DAGLA: variants seen among roughly 807,000 people sequenced by gnomAD.
DAGLA encodes the protein diacylglycerol lipase-alpha.
Under a neutral mutation model 102.6 loss-of-function variants are expected in DAGLA, and 22 were observed. That is an observed-to-expected ratio of 0.21 (90% CI 0.15 to 0.31). The LOEUF (loss-of-function observed/expected upper bound fraction) is 0.31, where lower values mean the gene tolerates loss of function less well. DAGLA is among the 10% of genes least tolerant of loss of function. The pLI is 1.00. For synonymous variants in DAGLA, 578 were observed against 628.9 expected (o/e 0.92, Z 1.21); for missense variants, 927 against 1,446.6 (o/e 0.64, Z 5.83).
intron 1 of DAGLA, among the ~76,000 whole-genome samples, chr11:61,690,754 G>A (rs1248846103): frequency 6.6e-6 from 1 of 152,188 alleles, no homozygotes; most frequent in Non-Finnish European, 1.5e-5. Context: ...CTGGCATGGG[G>A]TTTGGGGATT....
chr11:61,712,692 CG>C (rs2065204880), intron 1 of DAGLA, among the ~76,000 whole-genome samples: 1 of 152,204 alleles, frequency 6.6e-6, no homozygotes, highest in African/African-American at 2.4e-5. Flanking sequence ...CCAGCCCACA[CG>C]TGCTTTCTCT....
chr11:61,707,983 T>TTATTTATG (rs58259012), intron 1 of DAGLA, among the ~76,000 whole-genome samples: 1 of 151,716 alleles, frequency 6.6e-6, no homozygotes, highest in Admixed American at 6.6e-5. Flanking sequence ...AGAAGGGAAT[T>TTATTTATG]TATTTATGTA....
intron 1 of DAGLA, among the ~76,000 whole-genome samples, chr11:61,682,876 C>T (rs900235022): frequency 1.3e-5 from 2 of 151,778 alleles, no homozygotes; most frequent in African/African-American, 4.8e-5. Flanking sequence ...TGGAGGATGC[C>T]CTCAGACACA....
chr11:61,709,041 T>C, intron 1 of DAGLA, among the ~76,000 whole-genome samples: 1 of 152,276 alleles, frequency 6.6e-6, no homozygotes, highest in South Asian at 2.1e-4. Context: ...CTGTGGCCCC[T>C]TTTGCCCTCC....
chr11:61,740,665 T>C, intron 18 of DAGLA, 73 bp downstream of exon 18: 1 of 1,564,660 alleles, frequency 6.4e-7, no homozygotes. Context: ...GTAAGCACCA[T>C]CAGATCACTG....
At position 61,746,262 on chromosome 11, in the gene DAGLA, C is replaced by T. The variant is rs2135621597; in HGVS notation, c.*1773C>T. ...CGCCTTCACCAGACTCAAGGACACC[C>T]TGGCCCTGCTGAGGCATACAGAGCT... On this transcript the variant is annotated 3_prime_UTR_variant, in exon 20 of 20. Transcript: ENST00000257215. 1 of 152,552 alleles carries T rather than the reference C, an allele frequency of 6.6e-6. No homozygotes were observed. The highest frequency in any genetic ancestry group is 2.4e-5 in the African/African-American group (1 of 41,568). The allele number at this position is 152,552 out of a possible 1,614,324, so 9.4% of individuals were successfully genotyped here.
At chr11:61,718,328 C>T (rs1304519053) in intron 1 of DAGLA, among the ~76,000 whole-genome samples, 2 of 152,148 alleles carry the variant, frequency 1.3e-5, no homozygotes, top group Non-Finnish European at 2.9e-5. Flanking sequence ...CATTCTGTTC[C>T]ATTCATGTGA....
At chr11:61,731,012 G>C (rs2065369046) in intron 8 of DAGLA, among the ~76,000 whole-genome samples, 1 of 152,214 alleles carries the variant, frequency 6.6e-6, no homozygotes, top group African/African-American at 2.4e-5. Flanking sequence ...CCCTTCTCTG[G>C]AAAACAGGCA....
chr11:61,720,401 C>T, intron 2 of DAGLA, 151 bp downstream of exon 2: 1 of 776,964 alleles, frequency 1.3e-6, no homozygotes, highest in Non-Finnish European at 2.1e-6. Context: ...AACATCTAGC[C>T]CCTTAGGGCA....
At chr11:61,742,609 C>A (rs753867237) in intron 19 of DAGLA, among the ~76,000 whole-genome samples, 1 of 152,166 alleles carries the variant, frequency 6.6e-6, no homozygotes, top group Non-Finnish European at 1.5e-5. Context: ...CAGAGGGCTG[C>A]GGCCCATGGG....
intron 1 of DAGLA, among the ~76,000 whole-genome samples, chr11:61,716,442 T>C (rs1483058179): frequency 6.6e-6 from 1 of 152,154 alleles, no homozygotes; most frequent in Non-Finnish European, 1.5e-5. Context: ...AAGCAAAGCA[T>C]GGACCCTTCC....
At chr11:61,723,635 T>G in intron 5 of DAGLA, 63 bp downstream of exon 5, 1 of 1,581,040 alleles carries the variant, frequency 6.3e-7, no homozygotes, top group Admixed American at 1.7e-5. Flanking sequence ...AGCAGAGGTC[T>G]CCATTCTTCA....
At chr11:61,732,870 C>T (rs1220441248) in intron 9 of DAGLA, among the ~76,000 whole-genome samples, 1 of 152,176 alleles carries the variant, frequency 6.6e-6, no homozygotes, top group African/African-American at 2.4e-5. Context: ...CAGCAGTTCT[C>T]AGCCCATGCA....
At position 61,737,690 on chromosome 11, in the gene DAGLA, G is replaced by A; in HGVS notation, c.1518G>A (p.Glu506=). 2 of 1,613,906 alleles carry A rather than the reference G, an allele frequency of 1.2e-6. No individual in the cohort carries two copies. Among genetic ancestry groups the A allele is most frequent in the East Asian group, 2.2e-5 (1 of 44,864 alleles). Residue 506 remains glutamate (E), a synonymous_variant, in exon 15 of 20, where the codon GAG becomes GAA. Transcript: ENST00000257215. ...AYSPPGGLLS[E]DAMEYSKEFV... ...TCTGCTTCGGCTTCCCTTGCAGTGAGGATGCGATGGAGTATTCCAAGGAGT... is the reference window on the plus strand; with the variant it reads ...TCTGCTTCGGCTTCCCTTGCAGTGAAGATGCGATGGAGTATTCCAAGGAGT...
At chr11:61,743,410 T>A in intron 19 of DAGLA, 122 bp from the exon 20 acceptor site, 1 of 610,754 alleles carries the variant, frequency 1.6e-6, no homozygotes, top group Non-Finnish European at 2.7e-6. Flanking sequence ...CTGCACATCA[T>A]CAACAACTGC....
chr11:61,707,376 G>A, intron 1 of DAGLA, among the ~76,000 whole-genome samples: 1 of 152,256 alleles, frequency 6.6e-6, no homozygotes, highest in East Asian at 1.9e-4. Flanking sequence ...GCTCAGGCAT[G>A]GGCAGGCAGA....
chr11:61,743,946 TGGC>T lies in DAGLA; in HGVS notation c.2591_2593del (p.Gly864del), dbSNP rs769023390. On this transcript the variant is annotated inframe_deletion, in exon 20 of 20. Transcript: ENST00000257215. The stretch of plus-strand genomic sequence containing the variant: ...AGCCCCTGGAGGCGGCCCTGGGCAG[TGGC>T]GGCGTCACTCCTGAGCGGCCCCCCA... 4 of 1,611,894 alleles carry T rather than the reference TGGC, an allele frequency of 2.5e-6. No individual in the cohort carries two copies. The South Asian group carries it at 4.4e-5, about 18-fold the overall frequency.
At chr11:61,715,180 C>T (rs983533192) in intron 1 of DAGLA, among the ~76,000 whole-genome samples, 21 of 152,174 alleles carry the variant, frequency 1.4e-4, no homozygotes, top group African/African-American at 3.6e-4. Flanking sequence ...GGAATGAGAG[C>T]GACACTGCGA....
At chr11:61,731,144 A>G (rs911979612) in intron 8 of DAGLA, among the ~76,000 whole-genome samples, 173 bp from the exon 9 acceptor site, 4 of 152,180 alleles carry the variant, frequency 2.6e-5, no homozygotes, top group African/African-American at 4.8e-5. Context: ...TGCAATTATC[A>G]CCTGGAGGAG....
Sources: gnomAD v4.1 joint callset for allele counts (sites outside exome capture counted in the v4.1 genomes callset) on GRCh38, gnomAD v4.1.1 for gene constraint, MANE v1.5 for transcripts, NCBI Gene and HGNC (gene_info 2026-07-23, HGNC 2026-07-21) for gene names.